KIF26B: variants seen among roughly 807,000 people sequenced by gnomAD.
The protein encoded by KIF26B is kinesin-like protein KIF26B.
Under a neutral mutation model 151.2 loss-of-function variants are expected in KIF26B, and 63 were observed. The observed-to-expected ratio is 0.42, with a 90% CI of 0.34 to 0.51. KIF26B has a LOEUF of 0.51. KIF26B is among the 20% of genes least tolerant of loss of function. The probability of loss-of-function intolerance (pLI) is 0.07; values close to 1 mark genes in which losing one functional copy is unlikely to be tolerated. For missense variants in KIF26B, 2,813 were observed against 2,913.6 expected (o/e 0.97, Z 0.79); for synonymous variants, 1,357 against 1,262.1 (o/e 1.08, Z -1.59).
chr1:245,512,807 A>T lies in KIF26B; in HGVS notation c.1167-27960A>T, dbSNP rs1007842161. On this transcript the variant is annotated intron_variant, in intron 4 of 14. Transcript: ENST00000407071. This position sits in a 1 kb window ranked among gnomAD's most constrained non-coding sequence, Gnocchi z 4.3. The stretch of plus-strand genomic sequence containing the variant: ...TTGTTTTGGTTTCTTGTTTATGTGG[A>T]CTCTGTTAGACTCCTGCATCTGGAA... Among the ~76,000 whole-genome samples the T allele has an allele frequency of 1.3e-5, 2 of 152,026 alleles. No homozygotes were observed. Among genetic ancestry groups the T allele is most frequent in the Admixed American group, 1.3e-4 (2 of 15,274 alleles).
chr1:245,485,950 A>T (rs920578951), intron 4 of KIF26B, among the ~76,000 whole-genome samples: 1 of 152,222 alleles, frequency 6.6e-6, no homozygotes, highest in African/African-American at 2.4e-5. Flanking sequence ...GTTAAATATG[A>T]GTATTTTTCG....
At chr1:245,684,510 G>A in intron 11 of KIF26B, 115 bp downstream of exon 11, 1 of 1,127,228 alleles carries the variant, frequency 8.9e-7, no homozygotes, top group Non-Finnish European at 1.2e-6. Context: ...ATCAGGAGAT[G>A]TGACTTGGAG....
rs6698659 is a variant in KIF26B, at chr1:245,590,185, G to A, written c.1351-12392G>A. ...GCCTGCAAGGGGAGGCCGAGGCGCCGGTGGAAGCACAAACCACCCGGCGAG... is the reference window on the plus strand; with the variant it reads ...GCCTGCAAGGGGAGGCCGAGGCGCCAGTGGAAGCACAAACCACCCGGCGAG... On this transcript the variant is annotated intron_variant, in intron 5 of 14. Transcript: ENST00000407071. 8.0e-3 allele frequency among the ~76,000 whole-genome samples: 1,218 copies of A among 152,100 alleles called. 26 individuals are homozygous for A. The highest frequency in any genetic ancestry group is 0.07 in the East Asian group (360 of 5,126).
At chr1:245,161,754 A>G (rs1481213824) in intron 2 of KIF26B, among the ~76,000 whole-genome samples, 1 of 152,202 alleles carries the variant, frequency 6.6e-6, no homozygotes. Flanking sequence ...AAGAAAAAAT[A>G]TGCAAGGAAC....
intron 2 of KIF26B, among the ~76,000 whole-genome samples, chr1:245,302,043 G>A (rs779608391): frequency 3.3e-5 from 5 of 152,138 alleles, no homozygotes; most frequent in Non-Finnish European, 7.3e-5. Flanking sequence ...GAATAGCAGG[G>A]TCCATAAACT....
chr1:245,334,032 C>T (rs1334308365), intron 2 of KIF26B, among the ~76,000 whole-genome samples: 4 of 151,720 alleles, frequency 2.6e-5, no homozygotes, highest in Admixed American at 6.6e-5. Context: ...GAGTGGATGT[C>T]GGGTGAGGTG....
chr1:245,419,528 G>C, intron 3 of KIF26B, 51 bp from the exon 4 acceptor site: 1 of 1,541,850 alleles, frequency 6.5e-7, no homozygotes, highest in East Asian at 2.3e-5. Context: ...CAGTGGTCAG[G>C]AAAAGCAGTG....
chr1:245,447,879 C>G (rs1175445588), intron 4 of KIF26B, among the ~76,000 whole-genome samples: 1 of 152,204 alleles, frequency 6.6e-6, no homozygotes, highest in Non-Finnish European at 1.5e-5. Flanking sequence ...CAGCACACTG[C>G]CTATGGGGTA....
intron 4 of KIF26B, among the ~76,000 whole-genome samples, chr1:245,503,479 G>T (rs1660664601): frequency 6.6e-6 from 1 of 152,136 alleles, no homozygotes; most frequent in African/African-American, 2.4e-5. Context: ...AAATATTAGA[G>T]GTATCTGACC....
chr1:245,263,959 C>G lies in KIF26B; in HGVS notation c.466-102875C>G, dbSNP rs10924140. Among the ~76,000 whole-genome samples the G allele has an allele frequency of 8.1e-3, 1,240 of 152,292 alleles. 22 individuals are homozygous for G. Among genetic ancestry groups the G allele is most frequent in the African/African-American group, 0.029 (1,197 of 41,576 alleles). ...CCCTCAGGATCTTCAGCAGTTTTTT[C>G]CAGTATGTAGATGATTCAACTCACA... On this transcript the variant is annotated intron_variant, in intron 2 of 14. Transcript: ENST00000407071.
chr1:245,678,323 A>G (rs1414739422), intron 10 of KIF26B, among the ~76,000 whole-genome samples: 1 of 151,908 alleles, frequency 6.6e-6, no homozygotes. Flanking sequence ...GATACCTGGC[A>G]ATCCTCATCC....
intron 9 of KIF26B, among the ~76,000 whole-genome samples, chr1:245,629,622 A>G (rs898058873): frequency 2.6e-5 from 4 of 152,156 alleles, no homozygotes; most frequent in African/African-American, 7.2e-5. Flanking sequence ...TAAATGTAAA[A>G]CCCAAAACCA....
chr1:245,488,234 C>G lies in KIF26B; in HGVS notation c.1167-52533C>G, dbSNP rs1208625488. On this transcript the variant is annotated intron_variant, in intron 4 of 14. Coordinates refer to ENST00000407071, the MANE Select transcript of KIF26B (RefSeq NM_018012.4). This position sits in a 1 kb window ranked among gnomAD's most constrained non-coding sequence, Gnocchi z 4.6. ...ACCACACTGGCCAACCCAGACTTTCCACTGGTACACTGTCTTCATTGCTTT... is the reference window on the plus strand; with the variant it reads ...ACCACACTGGCCAACCCAGACTTTCGACTGGTACACTGTCTTCATTGCTTT... Among the ~76,000 whole-genome samples, 1 of 152,066 alleles carries G rather than the reference C, an allele frequency of 6.6e-6. No individual in the cohort carries two copies. Among genetic ancestry groups the G allele is most frequent in the East Asian group, 1.9e-4 (1 of 5,178 alleles).
intron 2 of KIF26B, among the ~76,000 whole-genome samples, chr1:245,359,854 ATTTCTTTC>A (rs760040009): frequency 4.7e-4 from 68 of 145,586 alleles, no homozygotes; most frequent in Non-Finnish European, 1.9e-4. Flanking sequence ...GCCTATTGTG[ATTTCTTTC>A]TTTCTTTCTT....
At chr1:245,180,698 T>C (rs1043596816) in intron 2 of KIF26B, among the ~76,000 whole-genome samples, 1 of 150,016 alleles carries the variant, frequency 6.7e-6, no homozygotes, top group Non-Finnish European at 1.5e-5. Flanking sequence ...CATGGGCCAG[T>C]GGTCACCATG....
intron 2 of KIF26B, among the ~76,000 whole-genome samples, chr1:245,290,365 T>C (rs936775569): frequency 6.6e-6 from 1 of 152,138 alleles, no homozygotes; most frequent in African/African-American, 2.4e-5. Context: ...TGTAAGCAAG[T>C]TTATTAGAGA....
chr1:245,599,392 A>G (rs1208761543), intron 5 of KIF26B, among the ~76,000 whole-genome samples: 1 of 152,240 alleles, frequency 6.6e-6, no homozygotes, highest in Non-Finnish European at 1.5e-5. Flanking sequence ...TGGCCAGACC[A>G]GCGACTGGGA....
intron 9 of KIF26B, among the ~76,000 whole-genome samples, chr1:245,620,782 C>A (rs1292025786): frequency 1.3e-5 from 2 of 152,134 alleles, no homozygotes; most frequent in Non-Finnish European, 2.9e-5. Flanking sequence ...TTTACAAAAT[C>A]ATTTCATTGG....
intron 4 of KIF26B, among the ~76,000 whole-genome samples, chr1:245,425,130 T>C (rs1658593896): frequency 6.6e-6 from 1 of 151,922 alleles, no homozygotes; most frequent in Admixed American, 6.6e-5. Flanking sequence ...TATCATTAGA[T>C]TTTCCCATTT....
Sources: gnomAD v4.1 joint callset for allele counts (sites outside exome capture counted in the v4.1 genomes callset) on GRCh38, gnomAD v4.1.1 for gene constraint, Gnocchi (gnomAD v3.1) non-coding constraint, MANE v1.5 for transcripts, NCBI Gene and HGNC (gene_info 2026-07-23, HGNC 2026-07-21) for gene names.